The following AUTS2 variants were observed in gnomAD, a reference collection of about 807,000 sequenced individuals.
The protein encoded by AUTS2 is autism susceptibility gene 2 protein.
A neutral mutation model predicts 112.4 loss-of-function variants in AUTS2; 17 were observed. The ratio of observed to expected loss-of-function variants is 0.15; its 90% CI spans 0.10 to 0.23. AUTS2 has a LOEUF of 0.23. AUTS2 is among the 10% of genes least tolerant of loss of function. The pLI, the probability that AUTS2 is intolerant of heterozygous loss-of-function variation, is 1.00. For missense variants in AUTS2, 1,510 were observed against 1,701.6 expected, an observed-to-expected ratio of 0.89 and a Z score of 1.98; for synonymous variants, 751 against 702.7, an observed-to-expected ratio of 1.07 and a Z score of -1.09.
At chr7:70,291,491 A>T (rs1178134151) in intron 4 of AUTS2, 1 of 152,116 alleles carries the variant, frequency 6.6e-6, no homozygotes, top group Admixed American at 6.5e-5. Context: ...CTAGCTCCTT[A>T]TTTTGTTTTG....
chr7:70,221,467 A>G (rs1240896359), intron 4 of AUTS2, among the ~76,000 whole-genome samples: 2 of 152,164 alleles, frequency 1.3e-5, no homozygotes, highest in Non-Finnish European at 2.9e-5. Context: ...AAGATACATA[A>G]AGTTTTCATC....
At chr7:70,434,252 C>T (rs2130852672) in intron 4 of AUTS2, among the ~76,000 whole-genome samples, 1 of 152,296 alleles carries the variant, frequency 6.6e-6, no homozygotes, top group South Asian at 2.1e-4. Flanking sequence ...AGGTTTACCT[C>T]TTTTCCCATC....
intron 5 of AUTS2, among the ~76,000 whole-genome samples, chr7:70,471,926 G>A (rs765007426): frequency 1.6e-4 from 24 of 152,060 alleles, no homozygotes; most frequent in Non-Finnish European, 3.2e-4. Context: ...CAGGCTGACC[G>A]GGCCAGAGTG....
At chr7:70,554,207 T>C (rs1314513984) in intron 5 of AUTS2, among the ~76,000 whole-genome samples, 1 of 151,438 alleles carries the variant, frequency 6.6e-6, no homozygotes, top group Non-Finnish European at 1.5e-5. Context: ...TAGCTGGGAT[T>C]ACAGGCGTGT....
chr7:70,741,580 A>G (rs1455714379), intron 6 of AUTS2, among the ~76,000 whole-genome samples: 1 of 151,886 alleles, frequency 6.6e-6, no homozygotes, highest in African/African-American at 2.4e-5. Flanking sequence ...AATCCCAGCT[A>G]CTTAGGAGAC....
intron 2 of AUTS2, among the ~76,000 whole-genome samples, chr7:69,988,973 A>G (rs985474694): frequency 1.3e-5 from 2 of 152,204 alleles, no homozygotes; most frequent in East Asian, 1.9e-4. Context: ...GGGGCAGGAA[A>G]AAAGAAAGAC....
chr7:70,127,859 C>G (rs1473147960), intron 3 of AUTS2, among the ~76,000 whole-genome samples: 2 of 152,068 alleles, frequency 1.3e-5, no homozygotes, highest in Non-Finnish European at 2.9e-5. Flanking sequence ...ATTGATTTGT[C>G]TATCCCACAG....
chr7:70,620,479 G>T (rs1429794182), intron 5 of AUTS2, among the ~76,000 whole-genome samples: 2 of 152,084 alleles, frequency 1.3e-5, no homozygotes, highest in Non-Finnish European at 2.9e-5. Context: ...GCTCATCACT[G>T]AGATGTGGAA....
chr7:70,317,684 G>T (rs1230223884), intron 4 of AUTS2, among the ~76,000 whole-genome samples: 1 of 152,246 alleles, frequency 6.6e-6, no homozygotes, highest in Non-Finnish European at 1.5e-5. Flanking sequence ...GAGCACTAGG[G>T]CTTACAAAAA....
At chr7:69,803,046 G>C (rs1283532521) in intron 1 of AUTS2, among the ~76,000 whole-genome samples, 1 of 152,164 alleles carries the variant, frequency 6.6e-6, no homozygotes, top group Non-Finnish European at 1.5e-5. Context: ...ATGACAGTTT[G>C]TGTATGCTTA....
At chr7:70,132,867 C>CT (rs537405769) in intron 3 of AUTS2, among the ~76,000 whole-genome samples, 189 of 152,252 alleles carry the variant, frequency 1.2e-3, no homozygotes, top group Middle Eastern at 3.4e-3. Context: ...CATGGTCTCT[C>CT]TGAGTAATTC....
intron 5 of AUTS2, among the ~76,000 whole-genome samples, chr7:70,671,658 A>ACC (rs11444252): frequency 2.6e-5 from 4 of 151,966 alleles, no homozygotes; most frequent in African/African-American, 4.8e-5. Flanking sequence ...GCAAGTAATA[A>ACC]CCCCCCCTAT....
At chr7:69,843,978 G>C (rs1320946848) in intron 1 of AUTS2, among the ~76,000 whole-genome samples, 1 of 152,164 alleles carries the variant, frequency 6.6e-6, no homozygotes, top group Non-Finnish European at 1.5e-5. Context: ...TAGTATCTTT[G>C]TATCATGTGA....
At chr7:70,616,674 A>G (rs976037409) in intron 5 of AUTS2, among the ~76,000 whole-genome samples, 1 of 152,220 alleles carries the variant, frequency 6.6e-6, no homozygotes, top group Non-Finnish European at 1.5e-5. Context: ...GGTCAGGGTT[A>G]AAAATCAACG....
intron 1 of AUTS2, among the ~76,000 whole-genome samples, chr7:69,627,929 G>C (rs1399846090): frequency 6.6e-6 from 1 of 152,206 alleles, no homozygotes; most frequent in African/African-American, 2.4e-5. Context: ...TTAGGTTGTG[G>C]TTATGTCATT....
intron 6 of AUTS2, among the ~76,000 whole-genome samples, chr7:70,740,391 T>A (rs1788033473): frequency 6.6e-6 from 1 of 152,198 alleles, no homozygotes; most frequent in Admixed American, 6.5e-5. Context: ...CATTGAGAGT[T>A]GTCCTTCCTT....
chr7:70,139,374 T>C (rs55738479), intron 4 of AUTS2, among the ~76,000 whole-genome samples: 3,684 of 152,320 alleles, frequency 0.024, 60 homozygotes, highest in Non-Finnish European at 0.038. Context: ...GGCTGCAACA[T>C]TTATCTTGAT....
At chr7:69,774,835 T>A (rs912332549) in intron 1 of AUTS2, among the ~76,000 whole-genome samples, 1 of 152,194 alleles carries the variant, frequency 6.6e-6, no homozygotes, top group African/African-American at 2.4e-5. Context: ...TAGAGTCCAA[T>A]AATTTTTTTT....
At position 70,378,508 on chromosome 7, in the gene AUTS2, T is replaced by G. The variant is rs148459466; in HGVS notation, c.661-57244T>G. Among the ~76,000 whole-genome samples, 21 of 152,354 alleles carry G rather than the reference T, an allele frequency of 1.4e-4. No individual in the cohort carries two copies. In the East Asian group the frequency reaches 3.9e-3, roughly 28 times the overall value. On this transcript the variant is annotated intron_variant, in intron 4 of 18. Coordinates refer to ENST00000342771, the MANE Select transcript of AUTS2 (RefSeq NM_015570.4). The stretch of plus-strand genomic sequence containing the variant: ...GCACTGAGATTAGCTCTTATGTGAA[T>G]TAATTTACTTAAGGCCCACAGAATA...
Sources: allele counts gnomAD v4.1 joint callset (sites outside exome capture counted in the v4.1 genomes callset), GRCh38; gene constraint gnomAD v4.1.1; transcripts MANE v1.5; gene names NCBI Gene and HGNC (gene_info 2026-07-23, HGNC 2026-07-21).